The following RFX3 variants were observed in gnomAD, a reference collection of about 807,000 sequenced individuals.
The protein encoded by RFX3 is transcription factor RFX3.
In RFX3, 14 loss-of-function variants were observed where a neutral mutation model predicts 98.6. That is an observed-to-expected ratio of 0.14 (90% CI 0.09 to 0.22). The LOEUF is 0.22. Ranked by LOEUF, RFX3 falls within the 10% of genes least tolerant of loss-of-function variation. The pLI is 1.00. For synonymous variants in RFX3, 383 were observed against 328.4 expected (o/e 1.17, Z -1.80); for missense variants, 639 against 926.9 (o/e 0.69, Z 4.03).
At chr9:3,303,963 C>T (rs7034430) in intron 4 of RFX3, among the ~76,000 whole-genome samples, 11,968 of 151,936 alleles carry the variant, frequency 0.079, 1,527 homozygotes, top group African/African-American at 0.27. Context: ...CTGACTTAGG[C>T]CTGTGCCGAA....
intron 1 of RFX3, among the ~76,000 whole-genome samples, chr9:3,509,030 T>C (rs1253941403): frequency 6.6e-6 from 1 of 151,506 alleles, no homozygotes; most frequent in Admixed American, 6.6e-5. Context: ...AAAATCTTGG[T>C]AATTACAATT....
At chr9:3,407,093 C>G (rs989806426) in intron 1 of RFX3, among the ~76,000 whole-genome samples, 4 of 152,128 alleles carry the variant, frequency 2.6e-5, no homozygotes, top group African/African-American at 4.8e-5. Context: ...CAGAAGCACT[C>G]AGATATCGTT....
At chr9:3,349,409 G>T (rs1425418589) in intron 2 of RFX3, among the ~76,000 whole-genome samples, 1 of 151,878 alleles carries the variant, frequency 6.6e-6, no homozygotes, top group Non-Finnish European at 1.5e-5. Flanking sequence ...TTAAATTCAT[G>T]TATTTAATTT....
chr9:3,435,666 C>A (rs1010685912), intron 1 of RFX3, among the ~76,000 whole-genome samples: 3 of 151,890 alleles, frequency 2.0e-5, no homozygotes, highest in Non-Finnish European at 2.9e-5. Context: ...ACCTTATTCA[C>A]CACTGAATCC....
intron 1 of RFX3, among the ~76,000 whole-genome samples, chr9:3,433,982 C>G (rs1438803944): frequency 6.6e-6 from 1 of 152,144 alleles, no homozygotes. Context: ...CATAGTCTGC[C>G]AAACCCTGCT....
intron 2 of RFX3, among the ~76,000 whole-genome samples, chr9:3,349,715 C>A (rs1253943243): frequency 6.6e-6 from 1 of 152,040 alleles, no homozygotes; most frequent in Non-Finnish European, 1.5e-5. Context: ...CGTGTGAATA[C>A]ATACACACCT....
intron 12 of RFX3, among the ~76,000 whole-genome samples, chr9:3,264,672 A>G (rs112055769): frequency 0.016 from 2,512 of 152,274 alleles, 69 homozygotes; most frequent in African/African-American, 0.057. Context: ...TTCATTACTG[A>G]TGGGAATTGA....
chr9:3,429,777 A>G (rs1029280367), intron 1 of RFX3, among the ~76,000 whole-genome samples: 1 of 152,220 alleles, frequency 6.6e-6, no homozygotes, highest in Non-Finnish European at 1.5e-5. Context: ...GATGTATCTT[A>G]GCGGCTGCTA....
At chr9:3,498,363 A>G (rs1225079506) in intron 1 of RFX3, among the ~76,000 whole-genome samples, 1 of 152,074 alleles carries the variant, frequency 6.6e-6, no homozygotes, top group Non-Finnish European at 1.5e-5. Flanking sequence ...TTTCTTAGAT[A>G]AATTTTAAGT....
At chr9:3,279,950 T>G (rs138833998) in intron 7 of RFX3, among the ~76,000 whole-genome samples, 194 of 151,898 alleles carry the variant, frequency 1.3e-3, no homozygotes, top group African/African-American at 4.5e-3. Context: ...GGAGGTAAGT[T>G]GGTAAATTCT....
At chr9:3,294,358 T>C (rs1238498199) in intron 5 of RFX3, among the ~76,000 whole-genome samples, 3 of 152,246 alleles carry the variant, frequency 2.0e-5, no homozygotes, top group African/African-American at 7.2e-5. Context: ...AGCTGACATT[T>C]AACTTGCAAT....
At chr9:3,324,311 T>C (rs966390219) in intron 4 of RFX3, among the ~76,000 whole-genome samples, 3 of 152,196 alleles carry the variant, frequency 2.0e-5, no homozygotes, top group African/African-American at 7.2e-5. Context: ...TTAAAATTTC[T>C]TCTAAGCATA....
intron 1 of RFX3, among the ~76,000 whole-genome samples, chr9:3,451,516 C>G (rs560600537): frequency 6.6e-6 from 1 of 152,152 alleles, no homozygotes; most frequent in Non-Finnish European, 1.5e-5. Flanking sequence ...TGCACTCCAG[C>G]CTGGGCAACA....
intron 1 of RFX3, among the ~76,000 whole-genome samples, chr9:3,425,854 T>A (rs745694755): frequency 4.6e-5 from 7 of 152,228 alleles, no homozygotes; most frequent in Non-Finnish European, 1.0e-4. Context: ...TCTAAGTTAA[T>A]CAGATTGAAT....
chr9:3,243,684 T>C (rs1277591726), intron 15 of RFX3, among the ~76,000 whole-genome samples: 1 of 152,228 alleles, frequency 6.6e-6, no homozygotes, highest in Admixed American at 6.5e-5. Context: ...TCATTGTTCT[T>C]AAGTCACCTT....
chr9:3,452,443 A>G, intron 1 of RFX3: 1 of 197,688 alleles, frequency 5.1e-6, no homozygotes, highest in East Asian at 1.5e-4. Flanking sequence ...AATAAAAATA[A>G]TAGCTGGGCC....
chr9:3,382,174 G>A (rs964982886), intron 2 of RFX3, among the ~76,000 whole-genome samples: 7 of 152,094 alleles, frequency 4.6e-5, no homozygotes, highest in African/African-American at 1.7e-4. Flanking sequence ...TGGGACTACA[G>A]GCACATGCCA....
chr9:3,508,537 A>C (rs1817339598), intron 1 of RFX3, among the ~76,000 whole-genome samples: 1 of 150,304 alleles, frequency 6.7e-6, no homozygotes, highest in Non-Finnish European at 1.5e-5. Flanking sequence ...AATGATAAAG[A>C]ATAAAAAAGA....
At chr9:3,497,402 G>T (rs1032334325) in intron 1 of RFX3, among the ~76,000 whole-genome samples, 1 of 151,852 alleles carries the variant, frequency 6.6e-6, no homozygotes, top group African/African-American at 2.4e-5. Context: ...GATTATTAAA[G>T]GATAAAGAAA....
Sources: gnomAD v4.1 joint callset for allele counts (sites outside exome capture counted in the v4.1 genomes callset) on GRCh38, gnomAD v4.1.1 for gene constraint, MANE v1.5 for transcripts, NCBI Gene and HGNC (gene_info 2026-07-23, HGNC 2026-07-21) for gene names.